The following UBE3C variants were observed in gnomAD, a reference collection of about 807,000 sequenced individuals.
UBE3C encodes ubiquitin-protein ligase E3C.
UBE3C carries 42 observed loss-of-function variants against 129.4 expected under a neutral mutation model. The observed-to-expected ratio is 0.32, with a 90% CI of 0.25 to 0.42. The LOEUF is 0.42. Among genes scored for constraint, UBE3C ranks in the 10% least tolerant of loss-of-function variants. The probability of loss-of-function intolerance (pLI) is 1.00; values close to 1 mark genes in which losing one functional copy is unlikely to be tolerated. For missense variants in UBE3C, 1,049 were observed against 1,319.1 expected (o/e 0.80, Z 3.17); for synonymous variants, 510 against 492.4 (o/e 1.04, Z -0.47).
chr7:157,190,277 C>CAGGG (rs1291927340), intron 10 of UBE3C, among the ~76,000 whole-genome samples: 1 of 152,140 alleles, frequency 6.6e-6, no homozygotes, highest in African/African-American at 2.4e-5. Context: ...TGTCCCCTCC[C>CAGGG]AGGGTCTGAA....
rs1468848645 is a variant in UBE3C at position 157,230,951 on chromosome 7, T to G, written c.2234-129T>G. The stretch of plus-strand genomic sequence containing the variant: ...AAAAATAATGATAATATCATTGCTG[T>G]TTTGAGTCCTATGTTAAAATGTCCC... On this transcript the variant is annotated intron_variant, in intron 17 of 22. Coordinates refer to ENST00000348165, the MANE Select transcript of UBE3C (RefSeq NM_014671.3). 18 of 1,315,500 alleles carry G rather than the reference T, an allele frequency of 1.4e-5. No individual in the cohort carries two copies. The Admixed American group carries it at 1.8e-4, about 13-fold the overall frequency. The allele number at this position is 1,315,500 out of a possible 1,614,324, so 81.5% of individuals were successfully genotyped here. A position where few individuals can be genotyped will look rare whatever the true frequency, so the allele number is the denominator to read the frequency against.
intron 21 of UBE3C, among the ~76,000 whole-genome samples, chr7:157,254,646 C>G (rs1306530178): frequency 1.3e-5 from 2 of 152,006 alleles, no homozygotes; most frequent in African/African-American, 2.4e-5. Context: ...GATCCACCCC[C>G]CTCAGCCTCC....
intron 11 of UBE3C, among the ~76,000 whole-genome samples, chr7:157,202,663 A>AT (rs907834169): frequency 1.1e-4 from 17 of 152,222 alleles, no homozygotes; most frequent in Non-Finnish European, 1.9e-4. Flanking sequence ...TCAAAAAAAA[A>AT]GAAAAAAAGA....
At chr7:157,262,952 C>A (rs1274033274) in intron 22 of UBE3C, 1 of 152,122 alleles carries the variant, frequency 6.6e-6, no homozygotes, top group Non-Finnish European at 1.5e-5. Context: ...ATTACCTTTT[C>A]TATTTTTTAA....
At chr7:157,191,439 G>A (rs551234143) in intron 10 of UBE3C, among the ~76,000 whole-genome samples, 1 of 152,296 alleles carries the variant, frequency 6.6e-6, no homozygotes, top group South Asian at 2.1e-4. Context: ...CGATAGGCGT[G>A]CCACCACACC....
At chr7:157,154,317 TA>T (rs199684379) in intron 1 of UBE3C, among the ~76,000 whole-genome samples, 13 of 147,630 alleles carry the variant, frequency 8.8e-5, no homozygotes, top group Admixed American at 2.7e-4. Context: ...AGATTCTGTC[TA>T]AAAAAAAAAG....
At chr7:157,252,159 T>C (rs556290349) in intron 19 of UBE3C, among the ~76,000 whole-genome samples, 3 of 152,022 alleles carry the variant, frequency 2.0e-5, no homozygotes, top group Admixed American at 1.3e-4. Flanking sequence ...GTTATAGAAA[T>C]GTCAGTTTTC....
intron 22 of UBE3C, among the ~76,000 whole-genome samples, chr7:157,262,711 G>A (rs935172231): frequency 3.3e-5 from 5 of 152,054 alleles, no homozygotes; most frequent in Admixed American, 6.6e-5. Context: ...ATGAGCCACC[G>A]CGCCCATCCT....
rs1797155783 is a variant in UBE3C, at chr7:157,269,044, T to G, written c.*1289T>G. Reference sequence around the variant, plus strand: ...AAGTGGGAAAGCTGAATGACACTTTTAAGACAATGAACATTATCAAAACAA... The same window carrying G: ...AAGTGGGAAAGCTGAATGACACTTTGAAGACAATGAACATTATCAAAACAA... On this transcript the variant is annotated 3_prime_UTR_variant, in exon 23 of 23. Coordinates refer to ENST00000348165, the MANE Select transcript of UBE3C (RefSeq NM_014671.3). 6.5e-6 allele frequency: 1 copy of G among 152,674 alleles called. No homozygotes were observed. The highest frequency in any genetic ancestry group is 1.9e-4 in the East Asian group (1 of 5,206). The allele number at this position is 152,674 out of a possible 1,614,324, so 9.5% of individuals were successfully genotyped here.
In UBE3C at chr7:157,268,536, T is replaced by C. The variant is rs1797139381; in HGVS notation, c.*781T>C. The C allele has an allele frequency of 2.0e-5, 3 of 152,576 alleles. No homozygotes were observed. In the South Asian group the frequency reaches 6.2e-4, roughly 32 times the overall value. 9.5% of individuals were successfully genotyped at this position (152,576 alleles called of 1,614,324 possible). A position where few individuals can be genotyped will look rare whatever the true frequency, so the allele number is the denominator to read the frequency against. ...TCTGTCACCCACTATACCCAGTTAC[T>C]TGGGGGAGGACAGACACTGTGGTGT... On this transcript the variant is annotated 3_prime_UTR_variant, in exon 23 of 23. Transcript: ENST00000348165.
intron 17 of UBE3C, among the ~76,000 whole-genome samples, chr7:157,228,689 GCAGCACTGCA>G (rs2116631256): frequency 6.6e-6 from 1 of 152,336 alleles, no homozygotes; most frequent in Non-Finnish European, 1.5e-5. Flanking sequence ...GCACGGCAGG[GCAGCACTGCA>G]TCCCTGCTGC....
intron 22 of UBE3C, among the ~76,000 whole-genome samples, chr7:157,260,245 T>A (rs1365798318): frequency 6.6e-6 from 1 of 152,080 alleles, no homozygotes. Flanking sequence ...GAAGCCTGAA[T>A]GTTACAACAG....
intron 19 of UBE3C, 90 bp downstream of exon 19, chr7:157,248,670 A>G: frequency 7.3e-7 from 1 of 1,364,528 alleles, no homozygotes; most frequent in South Asian, 1.3e-5. Flanking sequence ...ACAGCGTTTG[A>G]CTTCCGCACA....
intron 14 of UBE3C, among the ~76,000 whole-genome samples, chr7:157,220,066 C>G (rs1169225333): frequency 6.6e-6 from 1 of 152,086 alleles, no homozygotes. Flanking sequence ...CAAAAATTAA[C>G]CAGGCGTGAT....
intron 13 of UBE3C, 91 bp from the exon 14 acceptor site, chr7:157,216,776 C>A: frequency 2.0e-6 from 2 of 1,013,526 alleles, no homozygotes; most frequent in Non-Finnish European, 3.0e-6. Context: ...TGCACCACCG[C>A]TGTGTGCTCC....
At chr7:157,145,586 A>G (rs1048150958) in intron 1 of UBE3C, among the ~76,000 whole-genome samples, 1 of 152,222 alleles carries the variant, frequency 6.6e-6, no homozygotes, top group African/African-American at 2.4e-5. Flanking sequence ...ACACCTGGCA[A>G]CCACTGATCT....
At chr7:157,233,848 G>A (rs1478008775) in intron 18 of UBE3C, among the ~76,000 whole-genome samples, 4 of 152,156 alleles carry the variant, frequency 2.6e-5, no homozygotes, top group Non-Finnish European at 5.9e-5. Context: ...ACTCCACATC[G>A]TTGTCAGCAC....
intron 22 of UBE3C, among the ~76,000 whole-genome samples, chr7:157,267,288 G>A (rs997848891): frequency 6.6e-6 from 1 of 152,140 alleles, no homozygotes; most frequent in Admixed American, 6.5e-5. Context: ...CAGGCATGGT[G>A]GCAGGCACCT....
At chr7:157,194,674 G>A (rs190264376) in intron 10 of UBE3C, among the ~76,000 whole-genome samples, 56 of 152,186 alleles carry the variant, frequency 3.7e-4, no homozygotes, top group African/African-American at 1.1e-3. Context: ...CCTCGATTGC[G>A]GTAAAATATC....
Sources: allele counts gnomAD v4.1 joint callset (sites outside exome capture counted in the v4.1 genomes callset), GRCh38; gene constraint gnomAD v4.1.1; transcripts MANE v1.5; gene names NCBI Gene and HGNC (gene_info 2026-07-23, HGNC 2026-07-21).